Variants in TNPO1 observed in about 807,000 individuals in gnomAD.
TNPO1 encodes transportin 1, also known as transportin-1.
A neutral mutation model predicts 119.5 loss-of-function variants in TNPO1; 8 were observed. The observed-to-expected ratio is 0.07, with a 90% CI of 0.04 to 0.12. TNPO1 has a LOEUF of 0.12. Among genes scored for constraint, TNPO1 ranks in the 10% least tolerant of loss-of-function variants. TNPO1 has a pLI of 1.00. For synonymous variants in TNPO1, 362 were observed against 363.0 expected, an observed-to-expected ratio of 1.00 and a Z score of 0.03; for missense variants, 576 against 1,089.8, an observed-to-expected ratio of 0.53 and a Z score of 6.64.
At chr5:72,841,561 G>A (rs1273003598) in intron 1 of TNPO1, among the ~76,000 whole-genome samples, 1 of 151,316 alleles carries the variant, frequency 6.6e-6, no homozygotes, top group South Asian at 2.1e-4. Flanking sequence ...ACCAGGTCTC[G>A]AACTCATGAC....
Position 72,855,757 on chromosome 5 carries a change from T to TTA in TNPO1, c.206-16_206-15dup. 3.8e-6 allele frequency: 6 copies of TTA among 1,577,470 alleles called. No homozygotes were observed. The South Asian group carries it at 5.7e-5, about 15-fold the overall frequency. ...AAGACTACTTCAAAACTCATTACTA[T>TTA]TACTATTTTATTACAGATGAACCCA... On this transcript the variant is annotated splice_polypyrimidine_tract_variant and intron_variant, in intron 3 of 24. Transcript: ENST00000337273.
chr5:72,861,927 G>GT lies in TNPO1; in HGVS notation c.462+16dup, dbSNP rs759151077. ...TAATACCTGTGAGGTAAGGATATTT[G>GT]TTTCATACATAATTGGGTGTTTTCT... is the stretch of plus-strand genomic sequence containing the variant. On this transcript the variant is annotated intron_variant, in intron 5 of 24. Transcript: ENST00000337273. 10 of 1,582,142 alleles carry GT rather than the reference G, an allele frequency of 6.3e-6. No homozygotes were observed. The highest frequency in any genetic ancestry group is 4.4e-5 in the South Asian group (4 of 90,318).
intron 4 of TNPO1, among the ~76,000 whole-genome samples, chr5:72,859,964 C>G (rs896350971): frequency 6.6e-6 from 1 of 152,148 alleles, no homozygotes; most frequent in African/African-American, 2.4e-5. Flanking sequence ...CAGGAACGAT[C>G]AGATCTTGCT....
chr5:72,885,738 G>T lies in TNPO1; in HGVS notation c.1151-1332G>T, dbSNP rs1447829124. Among the ~76,000 whole-genome samples, 7 of 116,540 alleles carry T rather than the reference G, an allele frequency of 6.0e-5. No individual in the cohort carries two copies. The East Asian group carries it at 2.0e-3, about 33-fold the overall frequency. 76.5% of individuals were successfully genotyped at this position (116,540 alleles called of 152,430 possible). ...AATGTAATGGTTTTGTTTTGGTTTG[G>T]TTTGGTTTTTTTTTTTTTTTTTGAG... is the stretch of plus-strand genomic sequence containing the variant. On this transcript the variant is annotated intron_variant, in intron 11 of 24. Transcript: ENST00000337273.
rs527407045 is a variant in TNPO1 at position 72,894,535 on chromosome 5, G to A, written c.2143+832G>A. Among the ~76,000 whole-genome samples, 12 of 152,288 alleles carry A rather than the reference G, an allele frequency of 7.9e-5. 1 individual carries two copies. In the South Asian group the frequency reaches 2.5e-3, roughly 32 times the overall value. On this transcript the variant is annotated intron_variant, in intron 18 of 24. Coordinates refer to ENST00000337273, the MANE Select transcript of TNPO1 (RefSeq NM_002270.4). ...AAATACAAAAACTTAGCCAGGCGTGGTGGCTTGTGCCTGTAGTTCTAGCTA... is the reference window on the plus strand; with the variant it reads ...AAATACAAAAACTTAGCCAGGCGTGATGGCTTGTGCCTGTAGTTCTAGCTA...
chr5:72,880,487 T>A (rs1748156751), intron 9 of TNPO1, among the ~76,000 whole-genome samples: 1 of 152,060 alleles, frequency 6.6e-6, no homozygotes, highest in Admixed American at 6.6e-5. Flanking sequence ...ACGTTTATTG[T>A]CTATGTTATT....
rs1295306462 is a variant in TNPO1 at position 72,867,731 on chromosome 5, A to G, written c.596+2002A>G. On this transcript the variant is annotated intron_variant, in intron 6 of 24. Coordinates refer to ENST00000337273, the MANE Select transcript of TNPO1 (RefSeq NM_002270.4). Reference sequence around the variant, plus strand: ...TGCATGCATATGCAAAGGGTGAGATATATCTTAGTTTTTAGCATTGTAAGA... The same window carrying G: ...TGCATGCATATGCAAAGGGTGAGATGTATCTTAGTTTTTAGCATTGTAAGA... 2.0e-5 allele frequency among the ~76,000 whole-genome samples: 3 copies of G among 152,214 alleles called. No individual in the cohort carries two copies. In the East Asian group the frequency reaches 5.8e-4, roughly 29 times the overall value.
intron 13 of TNPO1, among the ~76,000 whole-genome samples, chr5:72,889,129 C>G (rs939120256): frequency 2.0e-5 from 3 of 152,086 alleles, no homozygotes; most frequent in Non-Finnish European, 4.4e-5. Context: ...GTGATCTTGG[C>G]TTACTGTAAC....
Position 72,855,760 on chromosome 5 carries a change from C to G in TNPO1, c.206-14C>G. 1 of 1,578,924 alleles carries G rather than the reference C, an allele frequency of 6.3e-7. No homozygotes were observed. Among genetic ancestry groups the G allele is most frequent in the Non-Finnish European group, 8.6e-7 (1 of 1,162,454 alleles). On this transcript the variant is annotated splice_polypyrimidine_tract_variant and intron_variant, in intron 3 of 24. Coordinates refer to ENST00000337273, the MANE Select transcript of TNPO1 (RefSeq NM_002270.4). ...ACTACTTCAAAACTCATTACTATTA[C>G]TATTTTATTACAGATGAACCCACAA... is the stretch of plus-strand genomic sequence containing the variant.
At chr5:72,841,555 G>C (rs1744916127) in intron 1 of TNPO1, among the ~76,000 whole-genome samples, 1 of 151,850 alleles carries the variant, frequency 6.6e-6, no homozygotes, top group African/African-American at 2.4e-5. Context: ...GGTTTCACCA[G>C]GTCTCGAACT....
chr5:72,873,957 A>C (rs1747588209), intron 7 of TNPO1, among the ~76,000 whole-genome samples: 1 of 151,914 alleles, frequency 6.6e-6, no homozygotes, highest in Admixed American at 6.6e-5. Context: ...TTTTAGTATT[A>C]CTCTTTCACA....
rs2112382285 is a variant in TNPO1 at position 72,875,706 on chromosome 5, G to T, written c.770G>T (p.Arg257Leu). Residue 257 changes from arginine to leucine, a missense_variant, in exon 8 of 25, where the codon CGC (arginine) becomes CTC (leucine). Arg to Leu is a moderately radical substitution (Grantham distance 102). Transcript: ENST00000337273. Reference protein sequence around the residue: ...LVMLLEVRMDRLLPHMHNIVE... With the variant: ...LVMLLEVRMDLLLPHMHNIVE... ...ATGTTGCTCGAAGTTCGAATGGATC[G>T]CCTGCTTCCTCACATGCATAATATA... The T allele has an allele frequency of 3.1e-6, 5 of 1,612,956 alleles. No homozygotes were observed. The highest frequency in any genetic ancestry group is 4.2e-6 in the Non-Finnish European group (5 of 1,179,222).
intron 2 of TNPO1, among the ~76,000 whole-genome samples, chr5:72,850,423 A>G (rs969293700): frequency 1.3e-5 from 2 of 152,330 alleles, no homozygotes; most frequent in African/African-American, 2.4e-5. Flanking sequence ...AGGGTATTCA[A>G]ATATGTAATA....
At chr5:72,887,671 C>G (rs193050205) in intron 12 of TNPO1, among the ~76,000 whole-genome samples, 10 of 152,138 alleles carry the variant, frequency 6.6e-5, no homozygotes, top group Admixed American at 6.6e-4. Flanking sequence ...GGTGACAGAG[C>G]AAGACTCCAT....
At chr5:72,892,828 G>A (rs1749160989) in intron 15 of TNPO1, among the ~76,000 whole-genome samples, 2 of 152,106 alleles carry the variant, frequency 1.3e-5, no homozygotes, top group African/African-American at 4.8e-5. Context: ...TGACCAGGAT[G>A]GGAGCATGAA....
chr5:72,905,245 A>G (rs1750062086), intron 23 of TNPO1, 58 bp from the exon 24 acceptor site: 1 of 1,260,830 alleles, frequency 7.9e-7, no homozygotes, highest in African/African-American at 1.5e-5. Flanking sequence ...TTCAGAAGCT[A>G]TGCTGATCTG....
chr5:72,908,504 C>G (rs980788322), intron 24 of TNPO1, among the ~76,000 whole-genome samples: 3 of 152,100 alleles, frequency 2.0e-5, no homozygotes, highest in Non-Finnish European at 4.4e-5. Context: ...ACTTTTCATA[C>G]CTGATGCAGC....
chr5:72,874,946 A>G (rs966495626), intron 7 of TNPO1, among the ~76,000 whole-genome samples: 2 of 152,214 alleles, frequency 1.3e-5, no homozygotes, highest in Admixed American at 6.5e-5. Flanking sequence ...TTGTTGGTGT[A>G]GGGAAATGAG....
At chr5:72,835,873 T>C (rs1380573869) in intron 1 of TNPO1, among the ~76,000 whole-genome samples, 2 of 152,244 alleles carry the variant, frequency 1.3e-5, no homozygotes, top group Admixed American at 1.3e-4. Flanking sequence ...CAAATTGCTC[T>C]CCAGCTATGA....
Sources: gnomAD v4.1 joint callset for allele counts (sites outside exome capture counted in the v4.1 genomes callset) on GRCh38, gnomAD v4.1.1 for gene constraint, MANE v1.5 for transcripts, NCBI Gene and HGNC (gene_info 2026-07-23, HGNC 2026-07-21) for gene names.